RSRC1: variants seen among roughly 807,000 people sequenced by gnomAD.
RSRC1 encodes the protein serine/Arginine-related protein 53.
Under a neutral mutation model 49.1 loss-of-function variants are expected in RSRC1, and 39 were observed. The observed-to-expected ratio is 0.79, with a 90% CI of 0.61 to 1.04. The LOEUF is 1.04. Ranked by LOEUF, RSRC1 falls within the 50% of genes least tolerant of loss-of-function variation. The pLI, the probability that RSRC1 is intolerant of heterozygous loss-of-function variation, is 0.00. For missense variants in RSRC1, 388 were observed against 402.4 expected, an observed-to-expected ratio of 0.96 and a Z score of 0.31; for synonymous variants, 143 against 130.8, an observed-to-expected ratio of 1.09 and a Z score of -0.63.
Position 158,518,116 on chromosome 3 carries a change from G to GCATA in RSRC1, c.653-18976_653-18975insCATA, listed in dbSNP as rs1283989660. Among the ~76,000 whole-genome samples, 61 of 80,360 alleles carry GCATA rather than the reference G, an allele frequency of 7.6e-4. 3 individuals carry two copies. Among genetic ancestry groups the GCATA allele is most frequent in the African/African-American group, 3.3e-3 (48 of 14,558 alleles). 52.7% of individuals were successfully genotyped at this position (80,360 alleles called of 152,430 possible). ...CGTGCGTGTGTGTGTGTGTGTGTGTGTGTGTGTGTGTATATATATATATAT... is the reference window on the plus strand; with the variant it reads ...CGTGCGTGTGTGTGTGTGTGTGTGTGCATATGTGTGTGTGTATATATATATATAT... On this transcript the variant is annotated intron_variant, in intron 7 of 9. Coordinates refer to ENST00000611884, the MANE Select transcript of RSRC1 (RefSeq NM_001271838.2).
chr3:158,497,551 C>T (rs1381286076), intron 7 of RSRC1, among the ~76,000 whole-genome samples: 1 of 151,974 alleles, frequency 6.6e-6, no homozygotes, highest in Non-Finnish European at 1.5e-5. Context: ...ATTCTCCTGC[C>T]TCAGCCTCCC....
intron 4 of RSRC1, among the ~76,000 whole-genome samples, chr3:158,262,793 G>A (rs1724974366): frequency 1.3e-5 from 2 of 151,784 alleles, no homozygotes; most frequent in African/African-American, 2.4e-5. Context: ...AAAATTTCCT[G>A]AAGTATTTCT....
chr3:158,316,795 G>T (rs2108156698), intron 5 of RSRC1, among the ~76,000 whole-genome samples: 1 of 152,128 alleles, frequency 6.6e-6, no homozygotes, highest in African/African-American at 2.4e-5. Context: ...GCCTGCTCTT[G>T]GTGCAAACAA....
intron 4 of RSRC1, among the ~76,000 whole-genome samples, chr3:158,225,393 A>T (rs1326470927): frequency 6.6e-6 from 1 of 151,898 alleles, no homozygotes. Flanking sequence ...AGTAAATACA[A>T]GGAATTTTCC....
chr3:158,180,532 G>A (rs921837362), intron 3 of RSRC1, among the ~76,000 whole-genome samples: 7 of 147,130 alleles, frequency 4.8e-5, no homozygotes, highest in African/African-American at 1.5e-4. Context: ...CACAATCATG[G>A]CTCACTGTAG....
intron 7 of RSRC1, among the ~76,000 whole-genome samples, chr3:158,501,943 T>C (rs1192294642): frequency 6.6e-6 from 1 of 152,218 alleles, no homozygotes; most frequent in East Asian, 1.9e-4. Flanking sequence ...CTTTTTAACT[T>C]GTATTTTTGT....
intron 6 of RSRC1, among the ~76,000 whole-genome samples, chr3:158,437,789 C>G (rs1578477259): frequency 6.6e-6 from 1 of 151,780 alleles, no homozygotes; most frequent in African/African-American, 2.4e-5. Flanking sequence ...ACCACTCCTA[C>G]TCAACATAGT....
At chr3:158,478,590 T>G (rs1343199510) in intron 7 of RSRC1, among the ~76,000 whole-genome samples, 2 of 152,000 alleles carry the variant, frequency 1.3e-5, no homozygotes, top group Non-Finnish European at 2.9e-5. Flanking sequence ...CATGAGTTAT[T>G]GTTTATTTGT....
At chr3:158,474,244 C>A (rs1578522610) in intron 7 of RSRC1, among the ~76,000 whole-genome samples, 1 of 152,106 alleles carries the variant, frequency 6.6e-6, no homozygotes, top group Non-Finnish European at 1.5e-5. Context: ...TCAATAAGGC[C>A]AGTCACACTA....
intron 5 of RSRC1, among the ~76,000 whole-genome samples, chr3:158,323,603 G>A (rs987596653): frequency 9.2e-5 from 14 of 152,076 alleles, no homozygotes; most frequent in Non-Finnish European, 1.8e-4. Context: ...TACCACCTCT[G>A]GTGCTGAAGC....
At chr3:158,124,393 T>C (rs1299894158) in intron 3 of RSRC1, among the ~76,000 whole-genome samples, 1 of 152,222 alleles carries the variant, frequency 6.6e-6, no homozygotes, top group Non-Finnish European at 1.5e-5. Flanking sequence ...TCTTGTAATA[T>C]ATTTGTCTGG....
At chr3:158,281,896 C>T (rs776238429) in intron 4 of RSRC1, among the ~76,000 whole-genome samples, 2 of 152,136 alleles carry the variant, frequency 1.3e-5, no homozygotes, top group Non-Finnish European at 2.9e-5. Flanking sequence ...CTATGAGTAA[C>T]ATGGTAGCTG....
intron 7 of RSRC1, chr3:158,496,723 G>A (rs1480882179): frequency 1.1e-5 from 3 of 285,182 alleles, no homozygotes; most frequent in African/African-American, 6.6e-5. Context: ...TGATGAGCCT[G>A]TGTATGTCAT....
At chr3:158,444,888 A>C (rs1179058226) in intron 6 of RSRC1, among the ~76,000 whole-genome samples, 1 of 152,176 alleles carries the variant, frequency 6.6e-6, no homozygotes. Context: ...ATGCAGCCAA[A>C]AGACACATGA....
chr3:158,211,625 G>C (rs1721683251), intron 4 of RSRC1, among the ~76,000 whole-genome samples: 1 of 151,906 alleles, frequency 6.6e-6, no homozygotes, highest in Non-Finnish European at 1.5e-5. Flanking sequence ...AGGTGCCCTA[G>C]ACAATATACC....
rs547890004 is a variant in RSRC1, at chr3:158,144,703, T to A, written c.320+20712T>A. On this transcript the variant is annotated intron_variant, in intron 3 of 9. Coordinates refer to ENST00000611884, the MANE Select transcript of RSRC1 (RefSeq NM_001271838.2). ...TTTCTAGTTCTAGATCCCTGAAGAATCGCCACACTGACTTCCACAATGGTT... is the reference window on the plus strand; with the variant it reads ...TTTCTAGTTCTAGATCCCTGAAGAAACGCCACACTGACTTCCACAATGGTT... Among the ~76,000 whole-genome samples, 3 of 152,328 alleles carry A rather than the reference T, an allele frequency of 2.0e-5. No individual in the cohort carries two copies. In the South Asian group the frequency reaches 6.2e-4, roughly 32 times the overall value.
intron 3 of RSRC1, chr3:158,136,848 T>C (rs1716409167): frequency 6.6e-6 from 1 of 152,172 alleles, no homozygotes; most frequent in African/African-American, 2.4e-5. Flanking sequence ...AGTCTGAAAG[T>C]GAGCCGTTTG....
intron 6 of RSRC1, among the ~76,000 whole-genome samples, chr3:158,449,617 T>G (rs1453623087): frequency 1.4e-5 from 2 of 147,620 alleles, no homozygotes; most frequent in Admixed American, 6.8e-5. Context: ...CAGAGGATCT[T>G]TATATATATA....
intron 3 of RSRC1, among the ~76,000 whole-genome samples, chr3:158,157,263 A>G (rs1717932894): frequency 6.6e-6 from 1 of 152,246 alleles, no homozygotes; most frequent in Non-Finnish European, 1.5e-5. Flanking sequence ...ACATTAATAG[A>G]GAATGTTTAA....
Sources: allele counts gnomAD v4.1 joint callset (sites outside exome capture counted in the v4.1 genomes callset), GRCh38; gene constraint gnomAD v4.1.1; transcripts MANE v1.5; gene names NCBI Gene and HGNC (gene_info 2026-07-23, HGNC 2026-07-21).